FBXW4: variants seen among roughly 807,000 people sequenced by gnomAD.
FBXW4 encodes F-box/WD repeat-containing protein 4.
A neutral mutation model predicts 61.8 loss-of-function variants in FBXW4; 40 were observed. That is an observed-to-expected ratio of 0.65 (90% CI 0.50 to 0.84). The LOEUF is 0.84. Among genes scored for constraint, FBXW4 ranks in the 40% least tolerant of loss-of-function variants. The pLI, the probability that FBXW4 is intolerant of heterozygous loss-of-function variation, is 0.00. For missense variants in FBXW4, 672 were observed against 753.8 expected, an observed-to-expected ratio of 0.89 and a Z score of 1.27; for synonymous variants, 311 against 313.8, an observed-to-expected ratio of 0.99 and a Z score of 0.10.
chr10:101,637,929 G>C (rs549901596), intron 5 of FBXW4, among the ~76,000 whole-genome samples: 1 of 152,136 alleles, frequency 6.6e-6, no homozygotes, highest in African/African-American at 2.4e-5. Context: ...TTACCTATCA[G>C]AGTGGCAAAA....
intron 5 of FBXW4, chr10:101,628,144 T>C (rs1356076941): frequency 1.9e-5 from 4 of 207,614 alleles, no homozygotes; most frequent in Non-Finnish European, 3.4e-5. Flanking sequence ...TCCCAAGGGA[T>C]TGCTCAGTGA....
chr10:101,673,443 A>G (rs746357841), intron 3 of FBXW4, 45 bp downstream of exon 3: 2 of 1,602,786 alleles, frequency 1.2e-6, no homozygotes, highest in Admixed American at 3.3e-5. Context: ...ATGTCCCCGA[A>G]GTATAAGATG....
At chr10:101,678,531 C>G (rs1442587247) in intron 1 of FBXW4, among the ~76,000 whole-genome samples, 1 of 152,212 alleles carries the variant, frequency 6.6e-6, no homozygotes, top group African/African-American at 2.4e-5. Context: ...GTTCACATCA[C>G]TCTCCTGCCT....
At chr10:101,647,691 T>C (rs2064113185) in intron 5 of FBXW4, among the ~76,000 whole-genome samples, 1 of 152,204 alleles carries the variant, frequency 6.6e-6, no homozygotes, top group African/African-American at 2.4e-5. Context: ...TGGGATGGGA[T>C]ACAAACCTTT....
intron 5 of FBXW4, among the ~76,000 whole-genome samples, chr10:101,667,406 A>T (rs1489037277): frequency 3.3e-4 from 51 of 152,322 alleles, no homozygotes; most frequent in Middle Eastern, 3.4e-3. Flanking sequence ...TTGAGGACCC[A>T]GCTGGATCTG....
chr10:101,692,228 T>C (rs1447757801), intron 1 of FBXW4, among the ~76,000 whole-genome samples: 3 of 151,774 alleles, frequency 2.0e-5, no homozygotes, highest in Non-Finnish European at 4.4e-5. Context: ...TGGAAAACTG[T>C]ATCAGTGACA....
intron 5 of FBXW4, among the ~76,000 whole-genome samples, chr10:101,644,215 T>C (rs1372139131): frequency 6.6e-6 from 1 of 152,158 alleles, no homozygotes; most frequent in East Asian, 1.9e-4. Flanking sequence ...GTGGGAACGG[T>C]GAGCTGGAGC....
chr10:101,623,270 G>A (rs1480220882), intron 6 of FBXW4, among the ~76,000 whole-genome samples: 1 of 152,036 alleles, frequency 6.6e-6, no homozygotes, highest in East Asian at 1.9e-4. Context: ...AAAATTAGCT[G>A]GGCATGGTGG....
chr10:101,682,414 T>C (rs1436764264), intron 1 of FBXW4, among the ~76,000 whole-genome samples: 1 of 150,420 alleles, frequency 6.6e-6, no homozygotes, highest in African/African-American at 2.4e-5. Flanking sequence ...AACTGAAATC[T>C]AAATGAAAAA....
intron 1 of FBXW4, among the ~76,000 whole-genome samples, chr10:101,687,719 A>C (rs2134919352): frequency 6.6e-6 from 1 of 152,294 alleles, no homozygotes; most frequent in Non-Finnish European, 1.5e-5. Flanking sequence ...AGGTCAAGAG[A>C]CTTGAACAAC....
intron 5 of FBXW4, among the ~76,000 whole-genome samples, chr10:101,634,820 T>C (rs938106062): frequency 2.0e-5 from 3 of 149,492 alleles, no homozygotes; most frequent in African/African-American, 7.5e-5. Context: ...AGTTTTATAA[T>C]CTTGGAAAGA....
chr10:101,657,704 C>A, intron 5 of FBXW4, among the ~76,000 whole-genome samples: 1 of 134,884 alleles, frequency 7.4e-6, no homozygotes. Context: ...GTTCAAGAAA[C>A]TGCTAGAGAG....
At chr10:101,673,799 C>A in intron 2 of FBXW4, 126 bp from the exon 3 acceptor site, 1 of 826,292 alleles carries the variant, frequency 1.2e-6, no homozygotes, top group South Asian at 1.9e-5. Flanking sequence ...ATTATCTATA[C>A]TTGATACCCT....
At chr10:101,680,060 T>C (rs947647732) in intron 1 of FBXW4, among the ~76,000 whole-genome samples, 2 of 136,368 alleles carry the variant, frequency 1.5e-5, no homozygotes, top group African/African-American at 3.8e-5. Flanking sequence ...ACAAAAGTCA[T>C]TATTTCATTC....
At chr10:101,668,127 G>A in intron 4 of FBXW4, 147 bp from the exon 5 acceptor site, 1 of 624,720 alleles carries the variant, frequency 1.6e-6, no homozygotes, top group Non-Finnish European at 2.9e-6. Context: ...CAGCAGAGGG[G>A]CCCCTGCAGC....
At chr10:101,613,933 G>C (rs901160596) in intron 6 of FBXW4, among the ~76,000 whole-genome samples, 61 of 152,348 alleles carry the variant, frequency 4.0e-4, no homozygotes, top group African/African-American at 1.4e-3. Context: ...GCCTCTGTCT[G>C]TTGGGGGGCT....
rs1177572018 is a variant in FBXW4 at position 101,695,143 on chromosome 10, C to G, written c.-38G>C. On this transcript the variant is annotated 5_prime_UTR_variant, in exon 1 of 9. Transcript: ENST00000331272. The surrounding 1 kb of genome is among the most constrained non-coding windows in gnomAD (Gnocchi z 4.2). ...GGCCGGCCCGACGCGGAGCCCAGCCCGAGCCGCCACCGCCGCCGCCCCGGG... is the reference window on the plus strand; with the variant it reads ...GGCCGGCCCGACGCGGAGCCCAGCCGGAGCCGCCACCGCCGCCGCCCCGGG... 7 of 985,014 alleles carry G rather than the reference C, an allele frequency of 7.1e-6. No individual in the cohort carries two copies. Among genetic ancestry groups the G allele is most frequent in the African/African-American group, 1.7e-5 (1 of 57,154 alleles). The allele number at this position is 985,014 out of a possible 1,614,324, so 61.0% of individuals were successfully genotyped here.
intron 1 of FBXW4, among the ~76,000 whole-genome samples, chr10:101,680,460 C>G (rs1023930772): frequency 2.0e-5 from 3 of 152,180 alleles, no homozygotes; most frequent in African/African-American, 7.2e-5. Flanking sequence ...TAAGTTTTCT[C>G]TCTAAAACTT....
rs777889376 is a variant in FBXW4, at chr10:101,694,440, G to C, written c.666C>G (p.Leu222=). The change falls in exon 1 of 9, where the codon CTC becomes CTG. Residue 222 remains leucine, a synonymous_variant. Transcript: ENST00000331272. This position sits in a 1 kb window ranked among gnomAD's most constrained non-coding sequence, Gnocchi z 6.0. ...GCGAGGCCCGGGCTATCCGGCGCCA[G>C]AGCAGATCGCAGCTGGTGAAGCGCC... ...WLRRFTSCDL[L]WRRIARASLN... is the part of the protein sequence containing the mutation. 18 of 1,536,132 alleles carry C rather than the reference G, an allele frequency of 1.2e-5. No individual in the cohort carries two copies. The highest frequency in any genetic ancestry group is 1.2e-5 in the Non-Finnish European group (14 of 1,153,744).
Sources: gnomAD v4.1 joint callset for allele counts (sites outside exome capture counted in the v4.1 genomes callset) on GRCh38, gnomAD v4.1.1 for gene constraint, Gnocchi (gnomAD v3.1) non-coding constraint, MANE v1.5 for transcripts, NCBI Gene and HGNC (gene_info 2026-07-23, HGNC 2026-07-21) for gene names.